Variants in SAXO1 observed in about 807,000 individuals in gnomAD.
The protein encoded by SAXO1 is stabilizer of axonemal microtubules 1, also known as 4930500O09Rik.
A neutral mutation model predicts 17.5 loss-of-function variants in SAXO1; 21 were observed. The ratio of observed to expected loss-of-function variants is 1.20; its 90% CI spans 0.85 to 1.72. SAXO1 has a LOEUF of 1.72. SAXO1 is among the 40% of genes most tolerant of loss of function. The probability of loss-of-function intolerance (pLI) is 0.00; values close to 1 mark genes in which losing one functional copy is unlikely to be tolerated. For synonymous variants in SAXO1, 274 were observed against 216.5 expected (o/e 1.27, Z -2.33); for missense variants, 843 against 596.0 (o/e 1.41, Z -4.32).
chr9:18,974,068 C>T (rs978806279), intron 1 of SAXO1, among the ~76,000 whole-genome samples: 1 of 152,190 alleles, frequency 6.6e-6, no homozygotes, highest in African/African-American at 2.4e-5. Flanking sequence ...TGGCAGTGTG[C>T]CCTTATGGCC....
chr9:18,968,791 C>T (rs1358051024), intron 1 of SAXO1, among the ~76,000 whole-genome samples: 5 of 151,908 alleles, frequency 3.3e-5, no homozygotes, highest in African/African-American at 1.2e-4. Flanking sequence ...ATGGGGCTTC[C>T]CCATGTTGGC....
rs537080935 is a variant in SAXO1 at position 18,961,628 on chromosome 9, G to C, written c.39-10691C>G. Among the ~76,000 whole-genome samples the C allele has an allele frequency of 3.5e-4, 53 of 152,208 alleles. No individual in the cohort carries two copies. The South Asian group carries it at 0.01, about 30-fold the overall frequency. ...CTGTGTTAGTTTGCTGAGAATGATG[G>C]TTTCCAGCTTCATCCATGTCCCTGC... On this transcript the variant is annotated intron_variant, in intron 1 of 3. Transcript: ENST00000380534.
At chr9:18,993,980 C>A (rs527528588) in intron 1 of SAXO1, among the ~76,000 whole-genome samples, 12 of 152,278 alleles carry the variant, frequency 7.9e-5, no homozygotes, top group African/African-American at 2.4e-4. Flanking sequence ...GGCGAACCTA[C>A]AAAATGAGTT....
intron 1 of SAXO1, among the ~76,000 whole-genome samples, chr9:19,011,821 A>G (rs1175162256): frequency 1.4e-5 from 2 of 148,080 alleles, no homozygotes; most frequent in East Asian, 2.0e-4. Flanking sequence ...TTACTAAACC[A>G]TTTCAATTTT....
At chr9:18,939,332 G>A (rs986270736) in intron 3 of SAXO1, among the ~76,000 whole-genome samples, 3 of 152,238 alleles carry the variant, frequency 2.0e-5, no homozygotes, top group South Asian at 4.1e-4. Flanking sequence ...ACACCTGGTT[G>A]TATGGACTCC....
In SAXO1 at chr9:18,928,653, C is replaced by T. The variant is rs41312810; in HGVS notation, c.824G>A (p.Arg275Gln). 3.8e-5 allele frequency: 61 copies of T among 1,613,900 alleles called. No homozygotes were observed. Among genetic ancestry groups the T allele is most frequent in the Non-Finnish European group, 4.8e-5 (57 of 1,180,016 alleles). ...DMPFCNTTEF[R>Q]DKYQAWPMPR... ...CATTGGCCAAGCTTGGTACTTATCT[C>T]GAAACTCAGTGGTGTTACAGAAAGG... The change falls in exon 4 of 4, where the codon CGA becomes CAA. Residue 275 changes from arginine to glutamine, a missense_variant. Physicochemically the swap from Arg to Gln is conservative, Grantham distance 43 (BLOSUM62 1). Coordinates refer to ENST00000380534, the MANE Select transcript of SAXO1 (RefSeq NM_153707.4).
At chr9:18,939,398 T>C (rs1348532550) in intron 3 of SAXO1, among the ~76,000 whole-genome samples, 1 of 152,210 alleles carries the variant, frequency 6.6e-6, no homozygotes, top group African/African-American at 2.4e-5. Flanking sequence ...AACAGATCCC[T>C]GCCCCTTGGA....
chr9:18,947,440 A>G (rs987951478), intron 2 of SAXO1, among the ~76,000 whole-genome samples: 15 of 152,054 alleles, frequency 9.9e-5, no homozygotes, highest in African/African-American at 3.6e-4. Context: ...AGCCACACCC[A>G]TCAAGTCTGA....
chr9:18,985,287 T>G (rs532432328), intron 1 of SAXO1, among the ~76,000 whole-genome samples: 1 of 152,200 alleles, frequency 6.6e-6, no homozygotes, highest in East Asian at 1.9e-4. Flanking sequence ...ACATAATAAT[T>G]AAAAAGCTTG....
At chr9:19,021,143 T>C (rs1479555537) in intron 1 of SAXO1, among the ~76,000 whole-genome samples, 1 of 152,208 alleles carries the variant, frequency 6.6e-6, no homozygotes, top group Non-Finnish European at 1.5e-5. Flanking sequence ...GACAGCCTCA[T>C]GCCAGAAGAG....
In SAXO1 at chr9:19,049,157, C is replaced by CT. The variant is rs35445478; in HGVS notation, c.-158+51dup. The stretch of plus-strand genomic sequence containing the variant: ...GTTGCGGTGGTGGTGGCGGTTGGGG[C>CT]TTTTTTTGGCCACGAGAGGGCAGCA... On this transcript the variant is annotated intron_variant, in intron 1 of 3. Coordinates refer to the SAXO1 transcript ENST00000542071. The surrounding 1 kb of genome is among the most constrained non-coding windows in gnomAD (Gnocchi z 5.4). 1 of 152,536 alleles carries CT rather than the reference C, an allele frequency of 6.6e-6. No individual in the cohort carries two copies. The allele number at this position is 152,536 out of a possible 1,614,324, so 9.4% of individuals were successfully genotyped here.
At chr9:18,991,244 G>A (rs968659748) in intron 1 of SAXO1, among the ~76,000 whole-genome samples, 1 of 152,166 alleles carries the variant, frequency 6.6e-6, no homozygotes, top group Admixed American at 6.5e-5. Context: ...CTGGGTGACA[G>A]AGCGAGACTC....
intron 1 of SAXO1, among the ~76,000 whole-genome samples, chr9:19,030,435 G>C (rs1043594813): frequency 1.3e-5 from 2 of 152,154 alleles, no homozygotes; most frequent in African/African-American, 4.8e-5. Flanking sequence ...TGCCAGGCTC[G>C]GTGGCTCACG....
intron 3 of SAXO1, among the ~76,000 whole-genome samples, chr9:18,935,574 G>A (rs1481679508): frequency 6.6e-6 from 1 of 152,072 alleles, no homozygotes; most frequent in Non-Finnish European, 1.5e-5. Context: ...GTTTCTTTCT[G>A]ATTGCCCTTT....
intron 1 of SAXO1, among the ~76,000 whole-genome samples, chr9:19,011,847 A>C (rs1397626009): frequency 1.2e-5 from 1 of 82,646 alleles, no homozygotes; most frequent in African/African-American, 3.7e-5. Context: ...TATTAAGCAT[A>C]GATTTTTTTT....
intron 1 of SAXO1, chr9:19,027,724 C>T: frequency 1.4e-6 from 2 of 1,414,242 alleles, no homozygotes; most frequent in African/African-American, 1.4e-5. Flanking sequence ...AGCACTTTGA[C>T]AGCGAGAAGT....
chr9:19,000,236 G>A (rs1451955491), intron 1 of SAXO1, among the ~76,000 whole-genome samples: 54 of 144,580 alleles, frequency 3.7e-4, no homozygotes, highest in Non-Finnish European at 5.6e-4. Flanking sequence ...AGTGAGGAGC[G>A]CCTCTGCCCG....
intron 1 of SAXO1, among the ~76,000 whole-genome samples, chr9:18,991,398 G>A (rs1332924598): frequency 3.3e-5 from 5 of 152,166 alleles, no homozygotes; most frequent in Non-Finnish European, 5.9e-5. Flanking sequence ...AAAAAAGGAT[G>A]AGTTCATGTC....
chr9:18,970,704 T>G (rs1832914238), intron 1 of SAXO1, among the ~76,000 whole-genome samples: 1 of 152,152 alleles, frequency 6.6e-6, no homozygotes. Flanking sequence ...AACAGTTGCA[T>G]TTCATCTCCT....
Sources: allele counts gnomAD v4.1 joint callset (sites outside exome capture counted in the v4.1 genomes callset), GRCh38; gene constraint gnomAD v4.1.1; non-coding constraint Gnocchi (gnomAD v3.1); transcripts MANE v1.5; gene names NCBI Gene and HGNC (gene_info 2026-07-23, HGNC 2026-07-21).